Variants in RORA observed in about 807,000 individuals in gnomAD.
The protein encoded by RORA is RAR related orphan receptor A, also known as nuclear receptor ROR-alpha.
RORA carries 7 observed loss-of-function variants against 69.5 expected under a neutral mutation model. The observed-to-expected ratio is 0.10, with a 90% confidence interval of 0.06 to 0.19. The LOEUF is 0.19. Among genes scored for constraint, RORA ranks in the 10% least tolerant of loss-of-function variants. The pLI, the probability that RORA is intolerant of heterozygous loss-of-function variation, is 1.00. For missense variants in RORA, 457 were observed against 663.0 expected (o/e 0.69, Z 3.41); for synonymous variants, 261 against 240.8 (o/e 1.08, Z -0.78).
chr15:60,586,820 A>G (rs1391945391), intron 2 of RORA, among the ~76,000 whole-genome samples: 1 of 152,206 alleles, frequency 6.6e-6, no homozygotes, highest in Non-Finnish European at 1.5e-5. Flanking sequence ...GCTTTCAGAC[A>G]AACACACCTT....
At chr15:61,117,324 G>T (rs2079059898) in intron 1 of RORA, among the ~76,000 whole-genome samples, 1 of 151,530 alleles carries the variant, frequency 6.6e-6, no homozygotes, top group Admixed American at 6.6e-5. Flanking sequence ...TCTTATAATT[G>T]TTTATCTACC....
chr15:60,708,598 A>G lies in RORA; in HGVS notation c.167-29912T>C, dbSNP rs79782873. 3.3e-3 allele frequency among the ~76,000 whole-genome samples: 508 copies of G among 152,310 alleles called. 3 individuals are homozygous for G. The highest frequency in any genetic ancestry group is 0.012 in the African/African-American group (486 of 41,560). On this transcript the variant is annotated intron_variant, in intron 1 of 10. Transcript: ENST00000335670. ...ATAAAGGGCTATGAAGGAATTTTCCATAACACTTGCACAAAAATTATTGCA... is the reference window on the plus strand; with the variant it reads ...ATAAAGGGCTATGAAGGAATTTTCCGTAACACTTGCACAAAAATTATTGCA...
intron 1 of RORA, among the ~76,000 whole-genome samples, chr15:61,093,646 A>G (rs565255291): frequency 6.6e-6 from 1 of 152,302 alleles, no homozygotes; most frequent in Admixed American, 6.5e-5. Flanking sequence ...ACTTCTATAG[A>G]ATTGCTCTTT....
rs35542675 is a variant in RORA at position 60,704,888 on chromosome 15, A to C, written c.167-26202T>G. On this transcript the variant is annotated intron_variant, in intron 1 of 10. Transcript: ENST00000335670. ...GATGGTAAATGAGCTTGCACACGAC[A>C]TCACATTGCTCCCCACTCTGACCTA... Among the ~76,000 whole-genome samples, 275 of 152,298 alleles carry C rather than the reference A, an allele frequency of 1.8e-3. 1 individual carries two copies. In the East Asian group the frequency reaches 0.02, roughly 11 times the overall value.
At chr15:61,049,738 C>A (rs1897212419) in intron 1 of RORA, among the ~76,000 whole-genome samples, 1 of 152,164 alleles carries the variant, frequency 6.6e-6, no homozygotes, top group Admixed American at 6.5e-5. Context: ...CAGCTCACTG[C>A]AACCTCCGCC....
At chr15:60,837,584 G>A (rs2073134406) in intron 1 of RORA, among the ~76,000 whole-genome samples, 1 of 152,188 alleles carries the variant, frequency 6.6e-6, no homozygotes, top group South Asian at 2.1e-4. Context: ...TCCATGGGGA[G>A]CCTGTTTGGA....
intron 2 of RORA, among the ~76,000 whole-genome samples, chr15:60,637,284 G>A (rs1416267467): frequency 6.6e-6 from 1 of 152,066 alleles, no homozygotes; most frequent in Non-Finnish European, 1.5e-5. Context: ...TGGTAAGGCT[G>A]AAAATTGTTT....
intron 2 of RORA, among the ~76,000 whole-genome samples, chr15:60,623,772 C>T (rs919622164): frequency 1.3e-5 from 2 of 152,106 alleles, no homozygotes; most frequent in Non-Finnish European, 2.9e-5. Flanking sequence ...TTTTGATGTT[C>T]AGTGTTATTT....
chr15:60,951,710 G>C (rs886519777), intron 1 of RORA, among the ~76,000 whole-genome samples: 3 of 152,112 alleles, frequency 2.0e-5, no homozygotes, highest in Non-Finnish European at 4.4e-5. Flanking sequence ...TAAATTCCTC[G>C]ACACATAAAC....
chr15:60,603,515 A>C (rs2068868293), intron 2 of RORA, among the ~76,000 whole-genome samples: 1 of 152,230 alleles, frequency 6.6e-6, no homozygotes, highest in Non-Finnish European at 1.5e-5. Flanking sequence ...CTGAATTTTA[A>C]AAGACAAAAT....
intron 1 of RORA, among the ~76,000 whole-genome samples, chr15:60,866,612 G>C (rs145831834): frequency 0.011 from 1,626 of 152,236 alleles, 98 homozygotes; most frequent in Admixed American, 0.098. Flanking sequence ...CAGACCTCTA[G>C]GGAGGAGAGA....
intron 9 of RORA, among the ~76,000 whole-genome samples, chr15:60,500,703 A>T (rs973940233): frequency 5.3e-5 from 8 of 152,182 alleles, no homozygotes; most frequent in Non-Finnish European, 1.2e-4. Flanking sequence ...TTAATTCTGG[A>T]CTGGATTTTG....
rs2078185084 is a variant in RORA, at chr15:61,061,436, G to A, written c.166+167617C>T. On this transcript the variant is annotated intron_variant, in intron 1 of 10. Transcript: ENST00000335670. This position sits in a 1 kb window ranked among gnomAD's most constrained non-coding sequence, Gnocchi z 4.4. ...CAGGAAGTCCTGATGTCAAGGTAAT[G>A]CGGCCAGGCATATCTGTTGTTGCTG... 6.6e-6 allele frequency among the ~76,000 whole-genome samples: 1 copy of A among 152,018 alleles called. No homozygotes were observed. The highest frequency in any genetic ancestry group is 6.5e-5 in the Admixed American group (1 of 15,272).
intron 1 of RORA, chr15:61,195,750 T>G (rs1183955130): frequency 6.6e-6 from 1 of 152,210 alleles, no homozygotes; most frequent in Non-Finnish European, 1.5e-5. Context: ...GAATTTTAGG[T>G]CTATACCACT....
intron 1 of RORA, among the ~76,000 whole-genome samples, chr15:60,684,643 C>T (rs1449547417): frequency 6.6e-6 from 1 of 152,130 alleles, no homozygotes; most frequent in East Asian, 1.9e-4. Context: ...CACTCAAAAC[C>T]ATGCCATGTA....
chr15:60,591,479 C>T (rs1453503377), intron 2 of RORA, among the ~76,000 whole-genome samples: 1 of 152,236 alleles, frequency 6.6e-6, no homozygotes, highest in African/African-American at 2.4e-5. Context: ...CTGAGAGGAC[C>T]TAGAGCCAGT....
At chr15:61,051,450 G>C (rs1897285726) in intron 1 of RORA, among the ~76,000 whole-genome samples, 1 of 152,136 alleles carries the variant, frequency 6.6e-6, no homozygotes, top group African/African-American at 2.4e-5. Flanking sequence ...TGGTGTGCAG[G>C]TGTTTGCGGC....
intron 1 of RORA, among the ~76,000 whole-genome samples, chr15:61,119,389 GTA>G (rs10553428): frequency 0.18 from 26,889 of 147,508 alleles, 2,722 homozygotes; most frequent in Admixed American, 0.25. Flanking sequence ...TTTTGTATAT[GTA>G]TATATATATA....
intron 5 of RORA, among the ~76,000 whole-genome samples, chr15:60,508,586 A>G (rs2065590500): frequency 6.6e-6 from 1 of 152,212 alleles, no homozygotes. Flanking sequence ...AGAGGAGGAA[A>G]CTGAACCACA....
Sources: gnomAD v4.1 joint callset for allele counts (sites outside exome capture counted in the v4.1 genomes callset) on GRCh38, gnomAD v4.1.1 for gene constraint, Gnocchi (gnomAD v3.1) non-coding constraint, MANE v1.5 for transcripts, NCBI Gene and HGNC (gene_info 2026-07-23, HGNC 2026-07-21) for gene names.